PPP1R13B: variants seen among roughly 807,000 people sequenced by gnomAD.
The protein encoded by PPP1R13B is protein phosphatase 1 regulatory subunit 13B.
A neutral mutation model predicts 119.8 loss-of-function variants in PPP1R13B; 44 were observed. That is an observed-to-expected ratio of 0.37 (90% CI 0.29 to 0.47). PPP1R13B has a LOEUF of 0.47. PPP1R13B is among the 20% of genes least tolerant of loss of function. The pLI is 0.99. For synonymous variants in PPP1R13B, 542 were observed against 561.5 expected (o/e 0.97, Z 0.49); for missense variants, 1,227 against 1,413.5 (o/e 0.87, Z 2.12).
upstream of PPP1R13B, among the ~76,000 whole-genome samples, chr14:103,847,976 G>C (rs1424380578): frequency 6.6e-6 from 1 of 151,560 alleles, no homozygotes; most frequent in Non-Finnish European, 1.5e-5. Context: ...CTGCGGCGAC[G>C]GCGCGCGCCC....
At chr14:103,831,294 T>G (rs1339198523) in intron 1 of PPP1R13B, among the ~76,000 whole-genome samples, 15 of 150,392 alleles carry the variant, frequency 1.0e-4, no homozygotes. Context: ...TAAAATTAAT[T>G]TCAACTTCAT....
Position 103,738,443 on chromosome 14 carries a change from T to A in PPP1R13B, c.2864+236A>T, listed in dbSNP as rs2084167657. 5.2e-6 allele frequency: 3 copies of A among 581,048 alleles called. No homozygotes were observed. The Admixed American group carries it at 9.2e-5, about 18-fold the overall frequency. The allele number at this position is 581,048 out of a possible 1,614,324, so 36.0% of individuals were successfully genotyped here. On this transcript the variant is annotated intron_variant, in intron 14 of 16. Coordinates refer to ENST00000202556, the MANE Select transcript of PPP1R13B (RefSeq NM_015316.3). The surrounding 1 kb of genome is among the most constrained non-coding windows in gnomAD (Gnocchi z 5.6). ...CAGAATGCTTAGACTGCAATGTTAATGACGAGGCACAGAAAGAGCATAACC... is the reference window on the plus strand; with the variant it reads ...CAGAATGCTTAGACTGCAATGTTAAAGACGAGGCACAGAAAGAGCATAACC...
chr14:103,800,836 T>C (rs555303686), intron 1 of PPP1R13B, among the ~76,000 whole-genome samples: 1 of 151,992 alleles, frequency 6.6e-6, no homozygotes, highest in South Asian at 2.1e-4. Flanking sequence ...TCCTCACCGT[T>C]ACCATTTCAT....
At chr14:103,751,726 A>G (rs1322711188) in intron 7 of PPP1R13B, among the ~76,000 whole-genome samples, 2 of 152,210 alleles carry the variant, frequency 1.3e-5, no homozygotes, top group Non-Finnish European at 2.9e-5. Flanking sequence ...GCTCTCTGCA[A>G]GCCAGGGAGT....
chr14:103,795,898 C>CAA (rs144183563), intron 2 of PPP1R13B, among the ~76,000 whole-genome samples: 2 of 151,988 alleles, frequency 1.3e-5, no homozygotes, highest in African/African-American at 4.8e-5. Context: ...CAAGACCTTG[C>CAA]AAAAAAATTG....
At chr14:103,765,986 T>TTTTATTATTATTATTA (rs141588292) in intron 4 of PPP1R13B, among the ~76,000 whole-genome samples, 6 of 139,076 alleles carry the variant, frequency 4.3e-5, no homozygotes, top group African/African-American at 1.4e-4. Flanking sequence ...AAATTTTTAT[T>TTTTATTATTATTATTA]TTATTATTAT....
rs1228449173 is a variant in PPP1R13B at position 103,741,929 on chromosome 14, C to A, written c.1683G>T (p.Gly561=). The part of the protein sequence containing the change: ...VAIRPFLADK[G]SRPQSPRKGP... Reference sequence around the variant, plus strand: ...CTTTCCTGGGAGACTGTGGCCTTGACCCTTTATCAGCCAGGAAAGGCCTAA... The same window carrying A: ...CTTTCCTGGGAGACTGTGGCCTTGAACCTTTATCAGCCAGGAAAGGCCTAA... The change falls in exon 11 of 17, where the codon GGG becomes GGT. Residue 561 remains glycine (G), a synonymous_variant. Transcript: ENST00000202556. 1 of 1,614,092 alleles carries A rather than the reference C, an allele frequency of 6.2e-7. No homozygotes were observed. The highest frequency in any genetic ancestry group is 1.3e-5 in the African/African-American group (1 of 74,914).
chr14:103,808,700 T>C (rs1173688769), intron 1 of PPP1R13B, among the ~76,000 whole-genome samples: 1 of 152,198 alleles, frequency 6.6e-6, no homozygotes, highest in Non-Finnish European at 1.5e-5. Flanking sequence ...AGGTACAGTT[T>C]AGTAAGATCA....
upstream of PPP1R13B, among the ~76,000 whole-genome samples, chr14:103,847,956 G>T (rs1415412148): frequency 6.6e-6 from 1 of 151,672 alleles, no homozygotes; most frequent in Non-Finnish European, 1.5e-5. Context: ...ACTGTGGGCC[G>T]GGAGCGTCCC....
intron 4 of PPP1R13B, among the ~76,000 whole-genome samples, chr14:103,761,846 C>G (rs983411614): frequency 1.1e-4 from 17 of 152,084 alleles, no homozygotes; most frequent in Admixed American, 9.2e-4. Flanking sequence ...CAATTTCAGG[C>G]AAATATACAT....
intron 1 of PPP1R13B, among the ~76,000 whole-genome samples, chr14:103,798,006 C>T (rs557708315): frequency 6.6e-6 from 1 of 151,980 alleles, no homozygotes; most frequent in African/African-American, 2.4e-5. Flanking sequence ...AGATACAAAC[C>T]CTAAAGCCAT....
chr14:103,846,263 C>T (rs923415130), intron 1 of PPP1R13B, among the ~76,000 whole-genome samples: 6 of 152,124 alleles, frequency 3.9e-5, no homozygotes, highest in Admixed American at 2.6e-4. Flanking sequence ...CCGTTAAAAA[C>T]GGGGAGAAGA....
At position 103,762,956 on chromosome 14, in the gene PPP1R13B, A is replaced by G. The variant is rs2084845609; in HGVS notation, c.355-5205T>C. On this transcript the variant is annotated intron_variant, in intron 4 of 16. Transcript: ENST00000202556. ...CCCCGTCTACAGTATCTGCTAAATA[A>G]AAGTACCAGCCTCTCAGCCCATAGT... 5.5e-6 allele frequency: 6 copies of G among 1,099,184 alleles called. No individual in the cohort carries two copies. The Middle Eastern group carries it at 8.4e-4, about 154-fold the overall frequency. The allele number at this position is 1,099,184 out of a possible 1,614,324, so 68.1% of individuals were successfully genotyped here.
At chr14:103,802,368 A>C (rs926073409) in intron 1 of PPP1R13B, among the ~76,000 whole-genome samples, 2 of 152,204 alleles carry the variant, frequency 1.3e-5, no homozygotes, top group Admixed American at 1.3e-4. Context: ...ATGCTTTATA[A>C]ATTGAAGTTT....
At chr14:103,782,926 C>T (rs1343628871) in intron 3 of PPP1R13B, among the ~76,000 whole-genome samples, 4 of 151,670 alleles carry the variant, frequency 2.6e-5, no homozygotes, top group African/African-American at 4.8e-5. Context: ...TGTCTCGGCC[C>T]CCCGAGTAGC....
intron 1 of PPP1R13B, among the ~76,000 whole-genome samples, chr14:103,825,059 A>G (rs1391785073): frequency 6.6e-6 from 1 of 152,100 alleles, no homozygotes; most frequent in Non-Finnish European, 1.5e-5. Context: ...CAATATTTCA[A>G]ACTTTTTCAT....
At chr14:103,754,438 T>C (rs568013811) in intron 5 of PPP1R13B, among the ~76,000 whole-genome samples, 194 bp from the exon 6 acceptor site, 8 of 151,554 alleles carry the variant, frequency 5.3e-5, no homozygotes, top group Non-Finnish European at 8.8e-5. Flanking sequence ...GGTGTGCGCC[T>C]GTAGTCCCAG....
intron 4 of PPP1R13B, among the ~76,000 whole-genome samples, chr14:103,772,588 A>G (rs2085096826): frequency 6.6e-6 from 1 of 152,072 alleles, no homozygotes. Flanking sequence ...AAGACTAATG[A>G]TGGTGAACAC....
intron 1 of PPP1R13B, among the ~76,000 whole-genome samples, chr14:103,809,431 T>G (rs1351079863): frequency 1.3e-5 from 2 of 152,158 alleles, no homozygotes; most frequent in Admixed American, 1.3e-4. Context: ...AATGTGAAAT[T>G]CATACAGCTT....
Sources: allele counts gnomAD v4.1 joint callset (sites outside exome capture counted in the v4.1 genomes callset), GRCh38; gene constraint gnomAD v4.1.1; non-coding constraint Gnocchi (gnomAD v3.1); transcripts MANE v1.5; gene names NCBI Gene and HGNC (gene_info 2026-07-23, HGNC 2026-07-21).